The following BIN3 variants were observed in gnomAD, a reference collection of about 807,000 sequenced individuals.
The protein encoded by BIN3 is bridging integrator 3.
BIN3 carries 41 observed loss-of-function variants against 38.2 expected under a neutral mutation model. The ratio of observed to expected loss-of-function variants is 1.07; its 90% CI spans 0.84 to 1.39. The LOEUF (loss-of-function observed/expected upper bound fraction) is 1.39. Ranked by LOEUF, BIN3 falls within the 40% of genes most tolerant of loss-of-function variation. The pLI, the probability that BIN3 is intolerant of heterozygous loss-of-function variation, is 0.00. For synonymous variants in BIN3, 145 were observed against 122.6 expected, an observed-to-expected ratio of 1.18 and a Z score of -1.21; for missense variants, 361 against 324.3, an observed-to-expected ratio of 1.11 and a Z score of -0.87.
chr8:22,649,379 A>T (rs940858948), intron 1 of BIN3, among the ~76,000 whole-genome samples: 3 of 136,016 alleles, frequency 2.2e-5, no homozygotes, highest in African/African-American at 7.6e-5. Context: ...TAAAAAGTAA[A>T]GTATTCACAC....
intron 1 of BIN3, among the ~76,000 whole-genome samples, chr8:22,665,254 G>A (rs948138088): frequency 1.3e-5 from 2 of 152,198 alleles, no homozygotes; most frequent in Admixed American, 6.5e-5. Flanking sequence ...CTTCATTTTA[G>A]GAAGTGGTTT....
chr8:22,624,038 C>T lies in BIN3; in HGVS notation c.492G>A (p.Glu164=), dbSNP rs751721421. ...VLAKLHQARE[E]LRPVREDFEA... is the part of the protein sequence containing the mutation. ...CAAAGTCCTCCCGCACAGGCCGCAGCTCCTCTCGTGCCTAGGGAACAAGAC... is the reference window on the plus strand; with the variant it reads ...CAAAGTCCTCCCGCACAGGCCGCAGTTCCTCTCGTGCCTAGGGAACAAGAC... The change falls in exon 8 of 9, where the codon GAG becomes GAA. Residue 164 remains glutamate, a synonymous_variant. Transcript: ENST00000276416. 6.2e-7 allele frequency: 1 copy of T among 1,613,060 alleles called. No individual in the cohort carries two copies. Among genetic ancestry groups the T allele is most frequent in the East Asian group, 2.2e-5 (1 of 44,856 alleles).
intron 1 of BIN3, among the ~76,000 whole-genome samples, chr8:22,656,957 C>T (rs1391174438): frequency 6.6e-6 from 1 of 152,210 alleles, no homozygotes; most frequent in Non-Finnish European, 1.5e-5. Context: ...CACACAGCAC[C>T]TCAAGGGCAA....
chr8:22,634,590 G>C, intron 4 of BIN3: 1 of 454,506 alleles, frequency 2.2e-6, no homozygotes, highest in South Asian at 1.6e-5. Context: ...GGTTTTCCTC[G>C]TAACTGCAGT....
chr8:22,654,421 A>T (rs1032650124), intron 1 of BIN3, among the ~76,000 whole-genome samples: 1 of 152,216 alleles, frequency 6.6e-6, no homozygotes, highest in Non-Finnish European at 1.5e-5. Flanking sequence ...ATTGTGCAAA[A>T]ATCACTGCTA....
At position 22,624,376 on chromosome 8, in the gene BIN3, C is replaced by A; in HGVS notation, c.339-13G>T. On this transcript the variant is annotated splice_polypyrimidine_tract_variant and intron_variant, in intron 6 of 8. Transcript: ENST00000276416. ...GACACTGCCGAACCTGTGGGACAAG[C>A]TGGCTGGAGATGGGCCCGTTCTTGA... is the stretch of plus-strand genomic sequence containing the variant. The A allele has an allele frequency of 6.2e-7, 1 of 1,609,782 alleles. No individual in the cohort carries two copies. Among genetic ancestry groups the A allele is most frequent in the Non-Finnish European group, 8.5e-7 (1 of 1,177,408 alleles).
intron 1 of BIN3, among the ~76,000 whole-genome samples, chr8:22,661,280 C>T (rs1803226307): frequency 6.6e-6 from 1 of 150,982 alleles, no homozygotes; most frequent in African/African-American, 2.4e-5. Context: ...AAGTTTAAGT[C>T]CATATGCAAA....
chr8:22,631,237 C>T (rs13269603), intron 4 of BIN3, among the ~76,000 whole-genome samples: 20,421 of 152,198 alleles, frequency 0.13, 1,755 homozygotes, highest in South Asian at 0.3. Flanking sequence ...GGAAGAGATA[C>T]GCTGGAAAAT....
At chr8:22,660,282 G>T (rs940783721) in intron 1 of BIN3, among the ~76,000 whole-genome samples, 1 of 152,244 alleles carries the variant, frequency 6.6e-6, no homozygotes, top group African/African-American at 2.4e-5. Flanking sequence ...GTAAGAAGGG[G>T]TAGAAAATGG....
chr8:22,660,263 G>C (rs1803190938), intron 1 of BIN3, among the ~76,000 whole-genome samples: 2 of 152,230 alleles, frequency 1.3e-5, no homozygotes, highest in Admixed American at 1.3e-4. Context: ...TCTCATTCTA[G>C]TCTGTAAGGT....
In BIN3 at chr8:22,667,587, CTGGGAAAGGGAA is replaced by C. The variant is rs151287895; in HGVS notation, c.8+1445_8+1456del. Among the ~76,000 whole-genome samples, 1,397 of 152,332 alleles carry C rather than the reference CTGGGAAAGGGAA, an allele frequency of 9.2e-3. 24 individuals carry two copies. The highest frequency in any genetic ancestry group is 0.032 in the African/African-American group (1,333 of 41,572). ...ATGACACTGAAAGGACGTAATTCCT[CTGGGAAAGGGAA>C]CTGAAGAATTGCCGCTTTGCCCACC... On this transcript the variant is annotated intron_variant, in intron 1 of 8. Coordinates refer to ENST00000276416, the MANE Select transcript of BIN3 (RefSeq NM_018688.6).
intron 2 of BIN3, among the ~76,000 whole-genome samples, chr8:22,638,722 GA>G (rs144721117): frequency 0.018 from 2,693 of 152,098 alleles, 88 homozygotes; most frequent in African/African-American, 0.061. Flanking sequence ...CCAGAAGCAG[GA>G]AAAAAATGAT....
Position 22,669,033 on chromosome 8 carries a change from G to A in BIN3, c.8+11C>T. On this transcript the variant is annotated intron_variant, in intron 1 of 8. Transcript: ENST00000276416. ...GGGTCCAGCAGCTCCCGCCGCCTGG[G>A]CCTCACTCACCAGCTCATGGTCCCG... The A allele has an allele frequency of 6.3e-7, 1 of 1,583,632 alleles. No individual in the cohort carries two copies. Among genetic ancestry groups the A allele is most frequent in the Non-Finnish European group, 8.6e-7 (1 of 1,165,412 alleles).
intron 5 of BIN3, among the ~76,000 whole-genome samples, 192 bp from the exon 6 acceptor site, chr8:22,630,196 G>T (rs547927718): frequency 6.6e-6 from 1 of 152,248 alleles, no homozygotes; most frequent in African/African-American, 2.4e-5. Context: ...GGGGTGAACA[G>T]GACTGCCGCC....
intron 1 of BIN3, among the ~76,000 whole-genome samples, chr8:22,663,440 TAA>T (rs35060338): frequency 0.037 from 4,800 of 128,626 alleles, 293 homozygotes; most frequent in African/African-American, 0.14. Context: ...CCGATTTGTT[TAA>T]AAAAAAAAAA....
At chr8:22,654,747 G>A (rs1803004486) in intron 1 of BIN3, among the ~76,000 whole-genome samples, 1 of 151,956 alleles carries the variant, frequency 6.6e-6, no homozygotes, top group Non-Finnish European at 1.5e-5. Flanking sequence ...ATGGACAATT[G>A]GGTTGTTTTC....
intron 1 of BIN3, among the ~76,000 whole-genome samples, chr8:22,648,894 CGTATGTAT>C (rs56065322): frequency 0.016 from 2,307 of 147,992 alleles, 32 homozygotes; most frequent in Middle Eastern, 0.041. Flanking sequence ...TCCACATCAA[CGTATGTAT>C]GTATGTATGT....
intron 2 of BIN3, among the ~76,000 whole-genome samples, chr8:22,641,287 C>T (rs1008365584): frequency 2.0e-5 from 3 of 152,078 alleles, no homozygotes; most frequent in Non-Finnish European, 2.9e-5. Flanking sequence ...AAGCCCCAGA[C>T]GACTACCCGT....
Position 22,620,619 on chromosome 8 carries a change from G to T in BIN3, c.*803C>A, listed in dbSNP as rs555387307. On this transcript the variant is annotated 3_prime_UTR_variant, in exon 9 of 9. Coordinates refer to ENST00000276416, the MANE Select transcript of BIN3 (RefSeq NM_018688.6). ...TGCGCACACACCCCTGGCATGCTGG[G>T]CTGCCTGCTGGAGGGTGCTGCTGCT... is the stretch of plus-strand genomic sequence containing the variant. 1 of 152,324 alleles carries T rather than the reference G, an allele frequency of 6.6e-6. No homozygotes were observed. Among genetic ancestry groups the T allele is most frequent in the East Asian group, 1.9e-4 (1 of 5,170 alleles). The allele number at this position is 152,324 out of a possible 1,614,324, so 9.4% of individuals were successfully genotyped here. A position where few individuals can be genotyped will look rare whatever the true frequency, so the allele number is the denominator to read the frequency against.
Sources: allele counts gnomAD v4.1 joint callset (sites outside exome capture counted in the v4.1 genomes callset), GRCh38; gene constraint gnomAD v4.1.1; transcripts MANE v1.5; gene names NCBI Gene and HGNC (gene_info 2026-07-23, HGNC 2026-07-21).